TRDN: variants seen among roughly 807,000 people sequenced by gnomAD.
TRDN encodes triadin, also known as triadin in skeletal muscle.
TRDN carries 161 observed loss-of-function variants against 149.7 expected under a neutral mutation model. The ratio of observed to expected loss-of-function variants is 1.08; its 90% CI spans 0.95 to 1.23. The LOEUF (loss-of-function observed/expected upper bound fraction) is 1.23, where lower values mean the gene tolerates loss of function less well. Among genes scored for constraint, TRDN ranks in the 50% most tolerant of loss-of-function variants. The pLI is 0.00. For missense variants in TRDN, 896 were observed against 823.5 expected (o/e 1.09, Z -1.08); for synonymous variants, 294 against 250.5 (o/e 1.17, Z -1.64).
chr6:123,502,426 A>T (rs1278315287), intron 8 of TRDN: 3 of 625,966 alleles, frequency 4.8e-6, no homozygotes, highest in South Asian at 7.1e-5. Flanking sequence ...TAAAATAATA[A>T]ATTAAAATTA....
chr6:123,547,374 T>C lies in TRDN; in HGVS notation c.392-2A>G, dbSNP rs1781166128. 3 of 1,440,412 alleles carry C rather than the reference T, an allele frequency of 2.1e-6. No individual in the cohort carries two copies. Among genetic ancestry groups the C allele is most frequent in the South Asian group, 1.5e-5 (1 of 65,252 alleles). 89.2% of individuals were successfully genotyped at this position (1,440,412 alleles called of 1,614,324 possible). Reference sequence around the variant, plus strand: ...TCAAGGGAGGCTCATCTATTTCTCCTAGACCAAGATTAAAAGAAAAACAAA... The same window carrying C: ...TCAAGGGAGGCTCATCTATTTCTCCCAGACCAAGATTAAAAGAAAAACAAA... On this transcript the variant is annotated splice_acceptor_variant, in intron 3 of 40. Coordinates refer to ENST00000334268, the MANE Select transcript of TRDN (RefSeq NM_006073.4). LOFTEE classifies it high-confidence loss of function.
At chr6:123,521,099 A>C (rs562670105) in intron 5 of TRDN, among the ~76,000 whole-genome samples, 5 of 152,286 alleles carry the variant, frequency 3.3e-5, no homozygotes, top group African/African-American at 1.2e-4. Flanking sequence ...CCAATCCTGC[A>C]ATTGTTTCCC....
At chr6:123,356,039 T>C (rs1780656744) in intron 20 of TRDN, among the ~76,000 whole-genome samples, 1 of 151,784 alleles carries the variant, frequency 6.6e-6, no homozygotes, top group South Asian at 2.1e-4. Context: ...TTTTGAATTT[T>C]TTAAGTAGAT....
intron 9 of TRDN, among the ~76,000 whole-genome samples, chr6:123,467,168 T>C (rs1394334830): frequency 6.6e-6 from 1 of 151,982 alleles, no homozygotes; most frequent in African/African-American, 2.4e-5. Context: ...GATCATTACA[T>C]GATAGTGTGT....
intron 38 of TRDN, among the ~76,000 whole-genome samples, chr6:123,236,174 G>T (rs1195971218): frequency 6.6e-6 from 1 of 152,018 alleles, no homozygotes; most frequent in Non-Finnish European, 1.5e-5. Flanking sequence ...ACTTGTTTTT[G>T]TTTTTCCATG....
intron 21 of TRDN, among the ~76,000 whole-genome samples, chr6:123,341,287 G>A (rs1224578211): frequency 2.0e-5 from 3 of 151,690 alleles, no homozygotes; most frequent in African/African-American, 4.8e-5. Context: ...ACTTGGTCAG[G>A]ACACTGTCTT....
At chr6:123,487,683 T>C (rs1171984021) in intron 9 of TRDN, among the ~76,000 whole-genome samples, 2 of 152,168 alleles carry the variant, frequency 1.3e-5, no homozygotes, top group Non-Finnish European at 2.9e-5. Flanking sequence ...TATTGTCTGA[T>C]GTTTGCCAAT....
At chr6:123,338,820 G>A (rs528387124) in intron 21 of TRDN, among the ~76,000 whole-genome samples, 2 of 152,226 alleles carry the variant, frequency 1.3e-5, no homozygotes, top group Admixed American at 6.5e-5. Context: ...CAAAATATTT[G>A]ACCCTGTGAA....
chr6:123,463,357 TAATAAATA>T lies in TRDN; in HGVS notation c.931+1541_931+1548del, dbSNP rs374409398. ...CGTCTCAAGAAAAAAAAAAAATAAA[TAATAAATA>T]AATAAATAAATAAATAAATAAATAC... On this transcript the variant is annotated intron_variant, in intron 10 of 40. Coordinates refer to ENST00000334268, the MANE Select transcript of TRDN (RefSeq NM_006073.4). 3.6e-3 allele frequency among the ~76,000 whole-genome samples: 532 copies of T among 146,220 alleles called. 6 individuals are homozygous for T. Among genetic ancestry groups the T allele is most frequent in the African/African-American group, 0.012 (458 of 38,630 alleles).
chr6:123,336,141 G>T (rs1449270464), intron 22 of TRDN, among the ~76,000 whole-genome samples: 1 of 151,690 alleles, frequency 6.6e-6, no homozygotes, highest in Non-Finnish European at 1.5e-5. Flanking sequence ...TTTTTATAAG[G>T]TCTACACTCA....
intron 1 of TRDN, among the ~76,000 whole-genome samples, chr6:123,601,983 A>C (rs1338167562): frequency 6.6e-6 from 1 of 152,090 alleles, no homozygotes; most frequent in Non-Finnish European, 1.5e-5. Context: ...AGAGAGCTAG[A>C]CTTTATCAAT....
intron 10 of TRDN, 71 bp downstream of exon 10, chr6:123,464,835 T>C (rs1776691075): frequency 6.5e-7 from 1 of 1,532,166 alleles, no homozygotes; most frequent in African/African-American, 1.4e-5. Flanking sequence ...GTGACTATTT[T>C]TGTTGTTGCT....
At chr6:123,419,573 T>C (rs1389656841) in intron 12 of TRDN, among the ~76,000 whole-genome samples, 1 of 152,092 alleles carries the variant, frequency 6.6e-6, no homozygotes, top group Non-Finnish European at 1.5e-5. Flanking sequence ...GGGGCGGGTC[T>C]CACTATGTTG....
At chr6:123,630,550 G>A (rs1220690376) in intron 1 of TRDN, among the ~76,000 whole-genome samples, 2 of 151,792 alleles carry the variant, frequency 1.3e-5, no homozygotes, top group African/African-American at 4.8e-5. Context: ...CATTGTAAAA[G>A]TAGCATGAAT....
chr6:123,253,271 A>G (rs1287390803), intron 37 of TRDN, among the ~76,000 whole-genome samples: 1 of 152,046 alleles, frequency 6.6e-6, no homozygotes, highest in African/African-American at 2.4e-5. Flanking sequence ...GAAAAAGACT[A>G]GTAACAGTTC....
intron 21 of TRDN, among the ~76,000 whole-genome samples, chr6:123,347,727 A>G (rs1283715925): frequency 6.6e-6 from 1 of 152,210 alleles, no homozygotes; most frequent in East Asian, 1.9e-4. Flanking sequence ...CATGTCTTAC[A>G]AGTGAGAATT....
chr6:123,249,736 A>G (rs949406721), intron 38 of TRDN, among the ~76,000 whole-genome samples: 1 of 152,164 alleles, frequency 6.6e-6, no homozygotes, highest in Non-Finnish European at 1.5e-5. Flanking sequence ...TGATGTGTAC[A>G]CATGGACATA....
At chr6:123,448,253 G>A (rs115006649) in intron 10 of TRDN, among the ~76,000 whole-genome samples, 42 of 152,302 alleles carry the variant, frequency 2.8e-4, no homozygotes, top group African/African-American at 7.9e-4. Context: ...ACTCCGGGGA[G>A]GGTGCAAATC....
chr6:123,565,749 G>T (rs1782257691), intron 2 of TRDN, among the ~76,000 whole-genome samples: 1 of 152,174 alleles, frequency 6.6e-6, no homozygotes. Context: ...CATCTCCAGC[G>T]CACACTGGGC....
Sources: gnomAD v4.1 joint callset for allele counts (sites outside exome capture counted in the v4.1 genomes callset) on GRCh38, gnomAD v4.1.1 for gene constraint, MANE v1.5 for transcripts, NCBI Gene and HGNC (gene_info 2026-07-23, HGNC 2026-07-21) for gene names.